Variants in ZDHHC21 observed in about 807,000 individuals in gnomAD.
ZDHHC21 encodes the protein zDHHC palmitoyltransferase 21.
A neutral mutation model predicts 34.6 loss-of-function variants in ZDHHC21; 15 were observed. The observed-to-expected ratio is 0.43, with a 90% CI of 0.29 to 0.67. The LOEUF (loss-of-function observed/expected upper bound fraction) is 0.67. ZDHHC21 is among the 30% of genes least tolerant of loss of function. ZDHHC21 has a pLI of 0.14. For synonymous variants in ZDHHC21, 142 were observed against 101.8 expected (o/e 1.40, Z -2.38); for missense variants, 344 against 327.7 (o/e 1.05, Z -0.38).
intron 8 of ZDHHC21, among the ~76,000 whole-genome samples, chr9:14,639,016 G>C (rs1828812475): frequency 1.3e-5 from 2 of 151,728 alleles, no homozygotes; most frequent in Non-Finnish European, 2.9e-5. Context: ...TTTATCCAAA[G>C]GAAAAAAAAC....
chr9:14,643,372 T>TACCCTA (rs1325562047), intron 7 of ZDHHC21, among the ~76,000 whole-genome samples: 3 of 152,172 alleles, frequency 2.0e-5, no homozygotes. Flanking sequence ...CCCTCACCCC[T>TACCCTA]ACCCTAAAGG....
intron 8 of ZDHHC21, among the ~76,000 whole-genome samples, chr9:14,633,189 C>A (rs145049028): frequency 2.0e-5 from 3 of 152,108 alleles, no homozygotes; most frequent in Admixed American, 6.5e-5. Flanking sequence ...GATAATCACA[C>A]GTAAAATATA....
At chr9:14,620,285 T>C (rs1378548113) in intron 8 of ZDHHC21, among the ~76,000 whole-genome samples, 2 of 151,704 alleles carry the variant, frequency 1.3e-5, no homozygotes, top group Non-Finnish European at 2.9e-5. Context: ...CTAACACAAA[T>C]ATGTAAAAAA....
the ZDHHC21 span, among the ~76,000 whole-genome samples, chr9:14,599,149 G>A: frequency 6.6e-6 from 1 of 152,162 alleles, no homozygotes; most frequent in African/African-American, 2.4e-5. Flanking sequence ...GCCTTTATGG[G>A]GCTGGCAAGA....
chr9:14,692,484 C>T (rs116021092), intron 1 of ZDHHC21, among the ~76,000 whole-genome samples: 49 of 152,036 alleles, frequency 3.2e-4, no homozygotes, highest in African/African-American at 1.2e-3. Context: ...TGCTATATTG[C>T]AATATTTTAA....
At chr9:14,601,893 G>A in the ZDHHC21 span, among the ~76,000 whole-genome samples, 1 of 151,998 alleles carries the variant, frequency 6.6e-6, no homozygotes, top group Non-Finnish European at 1.5e-5. Context: ...AACGCTCACA[G>A]GAACAGAAAA....
intron 7 of ZDHHC21, among the ~76,000 whole-genome samples, chr9:14,647,281 C>T (rs777428298): frequency 6.6e-6 from 1 of 151,962 alleles, no homozygotes; most frequent in Non-Finnish European, 1.5e-5. Flanking sequence ...GGGGCACCAC[C>T]TCTTAATGCA....
At chr9:14,645,620 C>T (rs1305339282) in intron 7 of ZDHHC21, among the ~76,000 whole-genome samples, 2 of 151,914 alleles carry the variant, frequency 1.3e-5, no homozygotes, top group East Asian at 1.9e-4. Flanking sequence ...AATTTAAAAC[C>T]TCTGTTTACC....
chr9:14,636,810 T>C (rs1828389189), intron 8 of ZDHHC21, among the ~76,000 whole-genome samples: 1 of 152,082 alleles, frequency 6.6e-6, no homozygotes, highest in Non-Finnish European at 1.5e-5. Context: ...TAACAACCAG[T>C]GGGCCAAGAA....
intron 8 of ZDHHC21, among the ~76,000 whole-genome samples, chr9:14,637,870 G>C (rs1828587571): frequency 6.6e-6 from 1 of 152,132 alleles, no homozygotes; most frequent in East Asian, 1.9e-4. Flanking sequence ...ACTGATGAAA[G>C]AAATTAAAGG....
the ZDHHC21 span, among the ~76,000 whole-genome samples, chr9:14,593,355 A>C: frequency 6.6e-6 from 1 of 152,214 alleles, no homozygotes; most frequent in Non-Finnish European, 1.5e-5. Context: ...TTAAGGGACT[A>C]TTATGAACAA....
the ZDHHC21 span, among the ~76,000 whole-genome samples, chr9:14,605,975 T>C: frequency 1.2e-4 from 19 of 152,246 alleles, no homozygotes; most frequent in Admixed American, 4.6e-4. Flanking sequence ...AAGGGCATAA[T>C]AGTTAAAAAA....
chr9:14,640,200 A>G (rs533757463), intron 7 of ZDHHC21, among the ~76,000 whole-genome samples, 188 bp from the exon 8 acceptor site: 1 of 151,746 alleles, frequency 6.6e-6, no homozygotes, highest in South Asian at 2.1e-4. Flanking sequence ...AGGTATTTTA[A>G]TTTACAATAG....
At chr9:14,605,641 C>T in the ZDHHC21 span, among the ~76,000 whole-genome samples, 1 of 152,104 alleles carries the variant, frequency 6.6e-6, no homozygotes, top group Admixed American at 6.6e-5. Flanking sequence ...GATAGACTGC[C>T]ATTTGATTCT....
At chr9:14,629,949 G>A (rs992683350) in intron 8 of ZDHHC21, among the ~76,000 whole-genome samples, 12 of 152,162 alleles carry the variant, frequency 7.9e-5, no homozygotes, top group African/African-American at 2.2e-4. Flanking sequence ...GGGAGGCTGA[G>A]GCAGGAGAAT....
the ZDHHC21 span, among the ~76,000 whole-genome samples, chr9:14,598,599 T>C: frequency 6.6e-6 from 1 of 151,564 alleles, no homozygotes; most frequent in Admixed American, 6.6e-5. Flanking sequence ...ATCAAAAGAT[T>C]CCAACAAGAA....
rs1823438661 is a variant in ZDHHC21 at position 14,612,324 on chromosome 9, C to T, written c.*6642G>A. Reference sequence around the variant, plus strand: ...AATATTTTCAAATGTGAATGTCTGCCTTTCCAATATACACACTGTCACCTT... The same window carrying T: ...AATATTTTCAAATGTGAATGTCTGCTTTTCCAATATACACACTGTCACCTT... On this transcript the variant is annotated 3_prime_UTR_variant, in exon 10 of 10. Coordinates refer to ENST00000380916, the MANE Select transcript of ZDHHC21 (RefSeq NM_178566.6). The T allele has an allele frequency of 6.6e-6, 1 of 151,924 alleles. No homozygotes were observed. The highest frequency in any genetic ancestry group is 1.5e-5 in the Non-Finnish European group (1 of 67,928). The allele number at this position is 151,924 out of a possible 1,614,324, so 9.4% of individuals were successfully genotyped here. A position where few individuals can be genotyped will look rare whatever the true frequency, so the allele number is the denominator to read the frequency against.
At chr9:14,626,022 T>C (rs1181531208) in intron 8 of ZDHHC21, among the ~76,000 whole-genome samples, 2 of 151,994 alleles carry the variant, frequency 1.3e-5, no homozygotes, top group African/African-American at 4.8e-5. Flanking sequence ...CAATAATGTT[T>C]TGTAGAAATA....
At position 14,653,945 on chromosome 9, in the gene ZDHHC21, A is replaced by G. The variant is rs902584291; in HGVS notation, c.504+4804T>C. 3.3e-5 allele frequency among the ~76,000 whole-genome samples: 5 copies of G among 152,182 alleles called. No individual in the cohort carries two copies. In the East Asian group the frequency reaches 9.6e-4, roughly 29 times the overall value. On this transcript the variant is annotated intron_variant, in intron 7 of 9. Coordinates refer to ENST00000380916, the MANE Select transcript of ZDHHC21 (RefSeq NM_178566.6). ...GTTTAAAGATACTGGCAAGTAGCCA[A>G]ACTCCCCAGAACTTAAGAGGCCAAA... is the stretch of plus-strand genomic sequence containing the variant.
Sources: allele counts gnomAD v4.1 joint callset (sites outside exome capture counted in the v4.1 genomes callset), GRCh38; gene constraint gnomAD v4.1.1; transcripts MANE v1.5; gene names NCBI Gene and HGNC (gene_info 2026-07-23, HGNC 2026-07-21).